The following CFHR5 variants were observed in gnomAD, a reference collection of about 807,000 sequenced individuals.
CFHR5 encodes the protein complement factor H related 5.
Under a neutral mutation model 62.9 loss-of-function variants are expected in CFHR5, and 73 were observed. That is an observed-to-expected ratio of 1.16 (90% CI 0.96 to 1.41). CFHR5 has a LOEUF of 1.41. Among genes scored for constraint, CFHR5 ranks in the 40% most tolerant of loss-of-function variants. The pLI is 0.00. For missense variants in CFHR5, 779 were observed against 679.9 expected (o/e 1.15, Z -1.62); for synonymous variants, 249 against 227.2 (o/e 1.10, Z -0.86).
chr1:196,988,629 A>G (rs184218084), intron 3 of CFHR5, among the ~76,000 whole-genome samples: 2,053 of 152,106 alleles, frequency 0.013, 44 homozygotes, highest in African/African-American at 0.045. Flanking sequence ...TGAGATAATC[A>G]CGTGTTTTTG....
rs530083149 is a variant in CFHR5, at chr1:196,999,073, A to G, written c.1147+769A>G. Among the ~76,000 whole-genome samples, 153 of 152,088 alleles carry G rather than the reference A, an allele frequency of 1.0e-3. 1 individual carries two copies. Among genetic ancestry groups the G allele is most frequent in the African/African-American group, 3.5e-3 (145 of 41,532 alleles). ...GCAACCACAGGAAGGATAGGAGTTT[A>G]CACACAAGGTCATAGTTTGAAAGAA... is the stretch of plus-strand genomic sequence containing the variant. On this transcript the variant is annotated intron_variant, in intron 7 of 9. Coordinates refer to ENST00000256785, the MANE Select transcript of CFHR5 (RefSeq NM_030787.4).
chr1:197,008,605 A>T lies in CFHR5; in HGVS notation c.1632A>T (p.Pro544=). Reference sequence around the variant, plus strand: ...CTGTTGAATTCCAGTGTAAATTCCCACATAAAGCGATGATATCATCACCAC... The same window carrying T: ...CTGTTGAATTCCAGTGTAAATTCCCTCATAAAGCGATGATATCATCACCAC... ...GDAVEFQCKF[P]HKAMISSPPF... Residue 544 remains proline (P), a synonymous_variant, in exon 10 of 10, where the codon CCA becomes CCT. Coordinates refer to ENST00000256785, the MANE Select transcript of CFHR5 (RefSeq NM_030787.4). The T allele has an allele frequency of 6.2e-7, 1 of 1,613,884 alleles. No homozygotes were observed. The highest frequency in any genetic ancestry group is 2.2e-5 in the East Asian group (1 of 44,824).
chr1:196,991,694 G>C (rs754640932), intron 3 of CFHR5, among the ~76,000 whole-genome samples: 7 of 152,202 alleles, frequency 4.6e-5, no homozygotes, highest in Non-Finnish European at 8.8e-5. Flanking sequence ...ATCACCAGCA[G>C]AGGCTGCAGA....
chr1:196,993,107 CATA>C (rs1192129514), intron 3 of CFHR5, among the ~76,000 whole-genome samples: 1 of 151,980 alleles, frequency 6.6e-6, no homozygotes, highest in African/African-American at 2.4e-5. Context: ...AGAATATATT[CATA>C]ATGAGTTAGT....
In CFHR5 at chr1:196,979,588, G is replaced by A. The variant is rs142408641; in HGVS notation, c.58+1866G>A. ...GGCAGACTTGTATAGGGCTCTTACC[G>A]TCAATAGGGTTTGCAGGACTGAAAG... On this transcript the variant is annotated intron_variant, in intron 1 of 9. Transcript: ENST00000256785. Among the ~76,000 whole-genome samples, 320 of 152,184 alleles carry A rather than the reference G, an allele frequency of 2.1e-3. 2 individuals are homozygous for A. Among genetic ancestry groups the A allele is most frequent in the Non-Finnish European group, 5.6e-4 (38 of 68,002 alleles).
intron 9 of CFHR5, among the ~76,000 whole-genome samples, chr1:197,007,941 T>A (rs111379055): frequency 0.21 from 31,424 of 147,034 alleles, 3,426 homozygotes; most frequent in Middle Eastern, 0.35. Context: ...TACATATAAA[T>A]GTATGTTATA....
At chr1:197,006,905 C>T (rs1482811516) in intron 9 of CFHR5, among the ~76,000 whole-genome samples, 6 of 150,764 alleles carry the variant, frequency 4.0e-5, no homozygotes, top group African/African-American at 7.3e-5. Flanking sequence ...GGCGTGATCT[C>T]GGCTCATTGC....
At chr1:197,006,469 G>A (rs973922479) in intron 9 of CFHR5, among the ~76,000 whole-genome samples, 21 of 152,050 alleles carry the variant, frequency 1.4e-4, no homozygotes, top group Non-Finnish European at 8.8e-5. Flanking sequence ...CCAGCACTTT[G>A]GGAGGCCAAG....
At chr1:196,991,666 GACCC>G (rs1360585603) in intron 3 of CFHR5, among the ~76,000 whole-genome samples, 1 of 152,180 alleles carries the variant, frequency 6.6e-6, no homozygotes, top group Non-Finnish European at 1.5e-5. Context: ...GTCCAGTCCA[GACCC>G]TGTTTGCCTG....
At chr1:196,994,050 T>C (rs1653922502) in intron 3 of CFHR5, 30 bp from the exon 4 acceptor site, 1 of 1,554,900 alleles carries the variant, frequency 6.4e-7, no homozygotes, top group South Asian at 1.1e-5. Flanking sequence ...CAATGAAAAT[T>C]CACATATGTT....
At chr1:196,980,381 T>C (rs1041638960) in intron 1 of CFHR5, among the ~76,000 whole-genome samples, 4 of 152,104 alleles carry the variant, frequency 2.6e-5, no homozygotes, top group Non-Finnish European at 5.9e-5. Context: ...TGTGTGCTAT[T>C]GTTTATATGA....
At chr1:197,003,940 G>A (rs1341234593) in intron 8 of CFHR5, among the ~76,000 whole-genome samples, 1 of 152,116 alleles carries the variant, frequency 6.6e-6, no homozygotes, top group Non-Finnish European at 1.5e-5. Context: ...AAAGGTGAAA[G>A]AATCTAGTGT....
chr1:196,987,607 T>C (rs1050791217), intron 3 of CFHR5, among the ~76,000 whole-genome samples: 4 of 152,238 alleles, frequency 2.6e-5, no homozygotes, highest in African/African-American at 9.7e-5. Flanking sequence ...CAGCACCATT[T>C]ATTAAATAGG....
In CFHR5 at chr1:196,995,798, A is replaced by G. The variant is rs1456703195; in HGVS notation, c.689A>G (p.Asn230Ser). 3 of 1,612,464 alleles carry G rather than the reference A, an allele frequency of 1.9e-6. No homozygotes were observed. The highest frequency in any genetic ancestry group is 2.5e-6 in the Non-Finnish European group (3 of 1,178,712). ...ATAAGAAAAGAGGAATATGGACACA[A>G]TGAAGTAGTGGAATATGATTGCAAT... The part of the protein sequence containing the change: ...KEIRKEEYGH[N>S]EVVEYDCNPN... Residue 230 changes from asparagine (N) to serine (S), a missense_variant, in exon 5 of 10, where the codon AAT becomes AGT. Coordinates refer to ENST00000256785, the MANE Select transcript of CFHR5 (RefSeq NM_030787.4).
chr1:197,006,693 CA>C (rs1654297779), intron 9 of CFHR5, among the ~76,000 whole-genome samples: 1 of 139,148 alleles, frequency 7.2e-6, no homozygotes, highest in African/African-American at 2.6e-5. Flanking sequence ...GCCTGGGCAA[CA>C]AGAGTGAAAC....
In CFHR5 at chr1:196,998,392, T is replaced by A. The variant is rs922657988; in HGVS notation, c.1147+88T>A. ...AATTAGAATGTTTTTAAATTAAATATTTATTGTGGCATATAATTTCTATGC... is the reference window on the plus strand; with the variant it reads ...AATTAGAATGTTTTTAAATTAAATAATTATTGTGGCATATAATTTCTATGC... On this transcript the variant is annotated intron_variant, in intron 7 of 9. Transcript: ENST00000256785. 3.7e-6 allele frequency: 4 copies of A among 1,078,360 alleles called. No individual in the cohort carries two copies. In the African/African-American group the frequency reaches 6.3e-5, roughly 17 times the overall value. 66.8% of individuals were successfully genotyped at this position (1,078,360 alleles called of 1,614,324 possible).
rs1397586876 is a variant in CFHR5, at chr1:197,008,621, T to C, written c.1648T>C (p.Ser550Pro). The change falls in exon 10 of 10, where the codon TCA becomes CCA. Residue 550 changes from serine to proline, a missense_variant. Transcript: ENST00000256785. ...TAAATTCCCACATAAAGCGATGATA[T>C]CATCACCACCATTTCGAGCAATCTG... is the stretch of plus-strand genomic sequence containing the variant. ...QCKFPHKAMI[S>P]SPPFRAICQE... 5.6e-6 allele frequency: 9 copies of C among 1,613,714 alleles called. No individual in the cohort carries two copies. The highest frequency in any genetic ancestry group is 7.6e-6 in the Non-Finnish European group (9 of 1,179,824).
At chr1:196,991,531 G>GAC (rs1209630928) in intron 3 of CFHR5, among the ~76,000 whole-genome samples, 3 of 152,146 alleles carry the variant, frequency 2.0e-5, no homozygotes, top group African/African-American at 7.2e-5. Context: ...TGATGTTGGT[G>GAC]ACCTACAGAT....
rs1653428505 is a variant in CFHR5, at chr1:196,977,594, T to C, written c.-71T>C. 1 of 1,222,730 alleles carries C rather than the reference T, an allele frequency of 8.2e-7. No individual in the cohort carries two copies. The highest frequency in any genetic ancestry group is 1.2e-6 in the Non-Finnish European group (1 of 823,506). The allele number at this position is 1,222,730 out of a possible 1,614,324, so 75.7% of individuals were successfully genotyped here. A position where few individuals can be genotyped will look rare whatever the true frequency, so the allele number is the denominator to read the frequency against. ...TCAAAGTCATGCTTGTAACTGTTAA[T>C]GAAAGCAGATTTAAAGCAACACCAC... On this transcript the variant is annotated 5_prime_UTR_variant, in exon 1 of 10. It removes an upstream start codon present in the reference 5' UTR. Coordinates refer to ENST00000256785, the MANE Select transcript of CFHR5 (RefSeq NM_030787.4).
Sources: gnomAD v4.1 joint callset for allele counts (sites outside exome capture counted in the v4.1 genomes callset) on GRCh38, gnomAD v4.1.1 for gene constraint, MANE v1.5 for transcripts, NCBI Gene and HGNC (gene_info 2026-07-23, HGNC 2026-07-21) for gene names.